Variants in ALKBH8 observed in about 807,000 individuals in gnomAD.
ALKBH8 encodes the protein alkB homolog 8, tRNA methyltransferase.
A neutral mutation model predicts 59.8 loss-of-function variants in ALKBH8; 36 were observed. The ratio of observed to expected loss-of-function variants is 0.60; its 90% CI spans 0.46 to 0.79. The LOEUF (loss-of-function observed/expected upper bound fraction) is 0.79, where lower values mean the gene tolerates loss of function less well. Among genes scored for constraint, ALKBH8 ranks in the 30% least tolerant of loss-of-function variants. ALKBH8 has a pLI of 0.00. For missense variants in ALKBH8, 768 were observed against 801.0 expected (o/e 0.96, Z 0.50); for synonymous variants, 276 against 273.6 (o/e 1.01, Z -0.09).
chr11:107,507,969 T>C (rs1283900979), intron 11 of ALKBH8, among the ~76,000 whole-genome samples: 1 of 152,168 alleles, frequency 6.6e-6, no homozygotes, highest in East Asian at 1.9e-4. Context: ...GGTATTCCCA[T>C]GTGTTAGACC....
At chr11:107,559,814 G>T (rs139593256) in intron 2 of ALKBH8, among the ~76,000 whole-genome samples, 21 of 152,246 alleles carry the variant, frequency 1.4e-4, no homozygotes, top group Admixed American at 3.3e-4. Flanking sequence ...CTATGATGTT[G>T]TACAGAAGAC....
chr11:107,550,012 T>C (rs1243214798), intron 6 of ALKBH8, among the ~76,000 whole-genome samples, 189 bp from the exon 7 acceptor site: 5 of 152,322 alleles, frequency 3.3e-5, no homozygotes, highest in Admixed American at 6.5e-5. Context: ...ACTAAAAATA[T>C]CTTAACTTCA....
At chr11:107,511,867 C>T (rs537251302) in intron 10 of ALKBH8, among the ~76,000 whole-genome samples, 18 of 152,206 alleles carry the variant, frequency 1.2e-4, no homozygotes, top group Admixed American at 3.3e-4. Flanking sequence ...TTAGCCAACA[C>T]GCCCAGACAA....
intron 2 of ALKBH8, among the ~76,000 whole-genome samples, chr11:107,558,932 T>C (rs1310207289): frequency 6.6e-6 from 1 of 152,224 alleles, no homozygotes; most frequent in Non-Finnish European, 1.5e-5. Context: ...CCGATATGGT[T>C]TGGCGTGTCC....
At chr11:107,505,470 T>G (rs1448981920) in intron 11 of ALKBH8, among the ~76,000 whole-genome samples, 1 of 152,238 alleles carries the variant, frequency 6.6e-6, no homozygotes, top group Non-Finnish European at 1.5e-5. Flanking sequence ...TCCTTAACTG[T>G]CTGGCTAGGA....
chr11:107,516,996 C>T (rs1862891590), intron 10 of ALKBH8, among the ~76,000 whole-genome samples: 1 of 152,070 alleles, frequency 6.6e-6, no homozygotes, highest in African/African-American at 2.4e-5. Flanking sequence ...TGCACTCCAG[C>T]CTGGGCAACA....
intron 1 of ALKBH8, 107 bp from the exon 2 acceptor site, chr11:107,561,006 T>C: frequency 9.2e-7 from 1 of 1,082,732 alleles, no homozygotes. Context: ...TCTGTGACAA[T>C]TTTTTAAAAA....
At chr11:107,556,627 A>C (rs1172956760) in intron 3 of ALKBH8, 139 bp downstream of exon 3, 1 of 517,308 alleles carries the variant, frequency 1.9e-6, no homozygotes, top group East Asian at 3.4e-5. Flanking sequence ...TAGGTGCTTA[A>C]AGAATGTTTG....
intron 7 of ALKBH8, among the ~76,000 whole-genome samples, chr11:107,542,159 A>G (rs576025714): frequency 7.2e-4 from 109 of 152,262 alleles, no homozygotes; most frequent in Middle Eastern, 3.4e-3. Flanking sequence ...CTACAGAGGC[A>G]ATTACTAAGC....
intron 8 of ALKBH8, among the ~76,000 whole-genome samples, chr11:107,529,210 A>C (rs891679307): frequency 6.6e-6 from 1 of 152,212 alleles, no homozygotes; most frequent in Non-Finnish European, 1.5e-5. Context: ...GGACAAAACC[A>C]TGGAACAAAC....
At chr11:107,519,935 A>T (rs1863036316) in intron 10 of ALKBH8, among the ~76,000 whole-genome samples, 1 of 152,220 alleles carries the variant, frequency 6.6e-6, no homozygotes, top group Admixed American at 6.5e-5. Context: ...AAATGAAATG[A>T]TCTATACTAA....
intron 10 of ALKBH8, among the ~76,000 whole-genome samples, chr11:107,519,968 G>C (rs984130744): frequency 1.8e-4 from 27 of 152,110 alleles, no homozygotes; most frequent in African/African-American, 5.8e-4. Flanking sequence ...CCATTGAAGT[G>C]CTATGCAAAT....
At chr11:107,537,350 T>C (rs1199218781) in intron 7 of ALKBH8, among the ~76,000 whole-genome samples, 2 of 152,164 alleles carry the variant, frequency 1.3e-5, no homozygotes, top group Admixed American at 6.5e-5. Flanking sequence ...GTGGTACATA[T>C]ACACCATGGA....
intron 9 of ALKBH8, among the ~76,000 whole-genome samples, chr11:107,523,050 CAAAA>C (rs56663802): frequency 4.8e-5 from 7 of 146,664 alleles, no homozygotes; most frequent in Non-Finnish European, 3.0e-5. Context: ...CTGCCTTGCT[CAAAA>C]AAAAAAAAAA....
chr11:107,504,602 CTCTT>C lies in ALKBH8; in HGVS notation c.*52_*55del. On this transcript the variant is annotated 3_prime_UTR_variant, in exon 12 of 12. Transcript: ENST00000428149. ...ATTAAAAGGGTAATTAATTTATTCT[CTCTT>C]TTTTTTTAAGTGAGCATTTCTTCTT... 1 of 1,520,206 alleles carries C rather than the reference CTCTT, an allele frequency of 6.6e-7. No individual in the cohort carries two copies. The highest frequency in any genetic ancestry group is 8.9e-7 in the Non-Finnish European group (1 of 1,126,474). 94.2% of individuals were successfully genotyped at this position (1,520,206 alleles called of 1,614,324 possible).
At chr11:107,544,948 T>C (rs608464) in intron 7 of ALKBH8, among the ~76,000 whole-genome samples, 114,339 of 151,540 alleles carry the variant, frequency 0.75, 44,264 homozygotes, top group South Asian at 0.85. Flanking sequence ...AAAAAAATCA[T>C]AAATAAGCTA....
At chr11:107,518,610 A>C (rs531607758) in intron 10 of ALKBH8, among the ~76,000 whole-genome samples, 1 of 152,388 alleles carries the variant, frequency 6.6e-6, no homozygotes, top group Admixed American at 6.5e-5. Flanking sequence ...CACAAACAAT[A>C]GCATGAGCAA....
In ALKBH8 at chr11:107,527,132, A is replaced by G. The variant is rs181952728; in HGVS notation, c.879-1540T>C. On this transcript the variant is annotated intron_variant, in intron 8 of 11. Coordinates refer to ENST00000428149, the MANE Select transcript of ALKBH8 (RefSeq NM_138775.3). ...GACTGGAATTACACTGTCTCCATAG[A>G]TTTTGGGGACAACTGATATATTAAC... Among the ~76,000 whole-genome samples, 43 of 152,060 alleles carry G rather than the reference A, an allele frequency of 2.8e-4. 1 individual carries two copies. Among genetic ancestry groups the G allele is most frequent in the Admixed American group, 2.5e-3 (38 of 15,284 alleles).
intron 1 of ALKBH8, among the ~76,000 whole-genome samples, chr11:107,563,887 A>G (rs1865031821): frequency 6.6e-6 from 1 of 152,206 alleles, no homozygotes; most frequent in South Asian, 2.1e-4. Flanking sequence ...ATATTATTGC[A>G]CGTGAAGAAA....
Sources: gnomAD v4.1 joint callset for allele counts (sites outside exome capture counted in the v4.1 genomes callset) on GRCh38, gnomAD v4.1.1 for gene constraint, MANE v1.5 for transcripts, NCBI Gene and HGNC (gene_info 2026-07-23, HGNC 2026-07-21) for gene names.